Variants in DENND1A observed in about 807,000 individuals in gnomAD.
DENND1A encodes DENN domain-containing protein 1A.
In DENND1A, 51 loss-of-function variants were observed where a neutral mutation model predicts 113.7. The observed-to-expected ratio is 0.45, with a 90% CI of 0.36 to 0.57. The LOEUF is 0.57. Among genes scored for constraint, DENND1A ranks in the 20% least tolerant of loss-of-function variants. The probability of loss-of-function intolerance (pLI) is 0.00; values close to 1 mark genes in which losing one functional copy is unlikely to be tolerated. For missense variants in DENND1A, 1,258 were observed against 1,395.9 expected, an observed-to-expected ratio of 0.90 and a Z score of 1.57; for synonymous variants, 565 against 570.8, an observed-to-expected ratio of 0.99 and a Z score of 0.14.
At chr9:123,754,463 C>T (rs1042169684) in intron 5 of DENND1A, among the ~76,000 whole-genome samples, 1 of 152,152 alleles carries the variant, frequency 6.6e-6, no homozygotes, top group African/African-American at 2.4e-5. Flanking sequence ...ATTCATGTTC[C>T]ACAATTCATC....
At chr9:123,634,126 C>T (rs1005825785) in intron 9 of DENND1A, among the ~76,000 whole-genome samples, 2 of 152,180 alleles carry the variant, frequency 1.3e-5, no homozygotes, top group African/African-American at 2.4e-5. Flanking sequence ...TAGCAGAGAT[C>T]TCATCTTCAG....
At chr9:123,843,611 C>A in intron 2 of DENND1A, 1 of 173,012 alleles carries the variant, frequency 5.8e-6, no homozygotes, top group East Asian at 1.8e-4. Context: ...TGACCTTTAG[C>A]AACATGGATG....
intron 9 of DENND1A, among the ~76,000 whole-genome samples, chr9:123,643,125 T>C (rs1282336251): frequency 1.3e-5 from 2 of 152,150 alleles, no homozygotes; most frequent in African/African-American, 4.8e-5. Context: ...GACTGTGTGC[T>C]GGTGGGGAGA....
rs185146528 is a variant in DENND1A, at chr9:123,520,749, C to T, written c.993+36821G>A. The stretch of plus-strand genomic sequence containing the variant: ...ATAATCAAGTTCATAATCATTTCAG[C>T]CAGATTTCTGTTACCCACAACTGAA... On this transcript the variant is annotated intron_variant, in intron 13 of 23. Transcript: ENST00000394215. Among the ~76,000 whole-genome samples, 4 of 152,358 alleles carry T rather than the reference C, an allele frequency of 2.6e-5. No homozygotes were observed. The East Asian group carries it at 7.7e-4, about 29-fold the overall frequency.
chr9:123,921,197 C>T (rs1241880767), intron 1 of DENND1A, among the ~76,000 whole-genome samples: 1 of 152,172 alleles, frequency 6.6e-6, no homozygotes, highest in Admixed American at 6.5e-5. Flanking sequence ...CCTCTCCAAG[C>T]AATATTAATG....
chr9:123,635,478 C>T (rs1472328159), intron 9 of DENND1A, among the ~76,000 whole-genome samples: 1 of 152,196 alleles, frequency 6.6e-6, no homozygotes, highest in African/African-American at 2.4e-5. Flanking sequence ...AAAAAGTATT[C>T]GAGTGTATAC....
intron 2 of DENND1A, among the ~76,000 whole-genome samples, chr9:123,826,516 A>G (rs765851594): frequency 6.6e-6 from 1 of 152,070 alleles, no homozygotes; most frequent in Non-Finnish European, 1.5e-5. Context: ...TGCAATACAC[A>G]TTTCCTTTCC....
chr9:123,697,183 CATTT>C, intron 5 of DENND1A, among the ~76,000 whole-genome samples: 1 of 152,266 alleles, frequency 6.6e-6, no homozygotes, highest in East Asian at 1.9e-4. Flanking sequence ...CACACATGCA[CATTT>C]ATTTAATCCC....
chr9:123,624,812 A>G (rs998273742), intron 10 of DENND1A, among the ~76,000 whole-genome samples: 9 of 152,218 alleles, frequency 5.9e-5, no homozygotes, highest in Non-Finnish European at 8.8e-5. Flanking sequence ...GGTTGAAAAA[A>G]TGATCTTGGA....
In DENND1A at chr9:123,379,803, A is replaced by C. The variant is rs1041488823; in HGVS notation, c.*1629T>G. ...ACAGCCAGGGGGCCTTGGGGTACAC[A>C]CCCTCCTTCCCTGGGGCCGCCAGCA... On this transcript the variant is annotated 3_prime_UTR_variant, in exon 24 of 24. Transcript: ENST00000394215. The C allele has an allele frequency of 6.6e-6, 1 of 152,130 alleles. No homozygotes were observed. Among genetic ancestry groups the C allele is most frequent in the Non-Finnish European group, 1.5e-5 (1 of 68,190 alleles). The allele number at this position is 152,130 out of a possible 1,614,324, so 9.4% of individuals were successfully genotyped here.
intron 10 of DENND1A, among the ~76,000 whole-genome samples, chr9:123,628,547 C>A (rs529944172): frequency 1.8e-4 from 28 of 152,216 alleles, no homozygotes; most frequent in African/African-American, 6.3e-4. Context: ...TGAAAACACT[C>A]CCTGAGGAAC....
intron 2 of DENND1A, among the ~76,000 whole-genome samples, chr9:123,808,553 G>A (rs977881184): frequency 9.9e-5 from 15 of 151,974 alleles, no homozygotes; most frequent in African/African-American, 3.1e-4. Flanking sequence ...ACTAATATTT[G>A]TATTTTTTTG....
chr9:123,802,391 C>G (rs1834823050), intron 2 of DENND1A, among the ~76,000 whole-genome samples: 1 of 100,864 alleles, frequency 9.9e-6, no homozygotes, highest in African/African-American at 3.8e-5. Context: ...CCTACCACAC[C>G]AACACCACCA....
chr9:123,694,537 T>C (rs972214925), intron 5 of DENND1A, among the ~76,000 whole-genome samples: 1 of 152,234 alleles, frequency 6.6e-6, no homozygotes, highest in Non-Finnish European at 1.5e-5. Flanking sequence ...GATCTTTCTG[T>C]GCCCATTGAA....
intron 13 of DENND1A, among the ~76,000 whole-genome samples, chr9:123,503,915 T>C (rs1242868148): frequency 6.6e-6 from 1 of 152,202 alleles, no homozygotes; most frequent in East Asian, 1.9e-4. Flanking sequence ...GTTCCCTGTG[T>C]GCTTCTGACA....
chr9:123,631,437 A>C (rs1391500969), intron 9 of DENND1A, among the ~76,000 whole-genome samples: 1 of 152,234 alleles, frequency 6.6e-6, no homozygotes, highest in African/African-American at 2.4e-5. Flanking sequence ...TCACTGATGA[A>C]ATGCAAAGAA....
In DENND1A at chr9:123,445,858, C is replaced by T. The variant is rs536891879; in HGVS notation, c.1356+4835G>A. Among the ~76,000 whole-genome samples the T allele has an allele frequency of 5.3e-5, 8 of 152,104 alleles. No individual in the cohort carries two copies. In the South Asian group the frequency reaches 1.0e-3, roughly 20 times the overall value. On this transcript the variant is annotated intron_variant, in intron 18 of 23. Transcript: ENST00000394215. ...CTCCAGCCTGGGCAACAGAGTGAGA[C>T]GCCATCTCAAAAACAAACAAACAAA...
chr9:123,859,629 T>C (rs961183618), intron 2 of DENND1A, among the ~76,000 whole-genome samples: 2 of 152,070 alleles, frequency 1.3e-5, no homozygotes, highest in African/African-American at 4.8e-5. Flanking sequence ...TTCTGCATCG[T>C]TGCTGTGAAG....
intron 4 of DENND1A, among the ~76,000 whole-genome samples, chr9:123,760,293 T>C (rs1202687821): frequency 6.6e-6 from 1 of 152,214 alleles, no homozygotes; most frequent in Non-Finnish European, 1.5e-5. Context: ...AGGGTAGACT[T>C]TCTAAAACTC....
Sources: allele counts gnomAD v4.1 joint callset (sites outside exome capture counted in the v4.1 genomes callset), GRCh38; gene constraint gnomAD v4.1.1; transcripts MANE v1.5; gene names NCBI Gene and HGNC (gene_info 2026-07-23, HGNC 2026-07-21).